SYT17: variants seen among roughly 807,000 people sequenced by gnomAD.
SYT17 encodes synaptotagmin-17.
In SYT17, 22 loss-of-function variants were observed where a neutral mutation model predicts 46.7. The ratio of observed to expected loss-of-function variants is 0.47; its 90% CI spans 0.34 to 0.67. The LOEUF (loss-of-function observed/expected upper bound fraction) is 0.67. SYT17 is among the 30% of genes least tolerant of loss of function. The pLI is 0.01. For missense variants in SYT17, 519 were observed against 612.8 expected, an observed-to-expected ratio of 0.85 and a Z score of 1.62; for synonymous variants, 251 against 248.4, an observed-to-expected ratio of 1.01 and a Z score of -0.10.
At chr16:19,185,894 G>A (rs1007714052) in intron 5 of SYT17, among the ~76,000 whole-genome samples, 8 of 152,174 alleles carry the variant, frequency 5.3e-5, no homozygotes, top group African/African-American at 1.7e-4. Context: ...TGCACTAAGC[G>A]GTAATCACAC....
intron 7 of SYT17, among the ~76,000 whole-genome samples, chr16:19,251,011 A>G (rs1291058770): frequency 6.6e-6 from 1 of 152,094 alleles, no homozygotes; most frequent in East Asian, 1.9e-4. Flanking sequence ...AATTTGTGTC[A>G]TTGTGTGTAG....
intron 5 of SYT17, among the ~76,000 whole-genome samples, chr16:19,204,853 C>T (rs1423838512): frequency 6.6e-6 from 1 of 152,066 alleles, no homozygotes; most frequent in Non-Finnish European, 1.5e-5. Flanking sequence ...CGTCTCACTC[C>T]TACCCTGGAC....
intron 7 of SYT17, among the ~76,000 whole-genome samples, chr16:19,240,941 CT>C (rs970503158): frequency 0.015 from 1,456 of 98,796 alleles, 11 homozygotes; most frequent in East Asian, 0.081. Context: ...AGGCTCAGTT[CT>C]TTTTTTTTTT....
At chr16:19,210,543 G>T (rs1965859236) in intron 5 of SYT17, among the ~76,000 whole-genome samples, 2 of 148,226 alleles carry the variant, frequency 1.3e-5, no homozygotes, top group African/African-American at 2.5e-5. Flanking sequence ...TTCAGAATGT[G>T]ACTGTATTGT....
intron 3 of SYT17, among the ~76,000 whole-genome samples, chr16:19,174,305 G>A (rs1964227378): frequency 6.6e-6 from 1 of 152,232 alleles, no homozygotes; most frequent in African/African-American, 2.4e-5. Context: ...CCGTGACTGA[G>A]AGAGGGACGT....
intron 5 of SYT17, among the ~76,000 whole-genome samples, chr16:19,199,900 T>C (rs148585554): frequency 1.3e-5 from 2 of 152,256 alleles, no homozygotes; most frequent in Non-Finnish European, 2.9e-5. Flanking sequence ...ATTTATTAAA[T>C]CTGGGCTGTA....
chr16:19,240,895 A>G (rs1363875196), intron 7 of SYT17, among the ~76,000 whole-genome samples: 1 of 151,064 alleles, frequency 6.6e-6, no homozygotes, highest in Non-Finnish European at 1.5e-5. Context: ...CACTACCCCA[A>G]GCATGTGCAC....
intron 5 of SYT17, among the ~76,000 whole-genome samples, chr16:19,207,420 T>C (rs1965714188): frequency 1.3e-5 from 2 of 152,078 alleles, no homozygotes; most frequent in African/African-American, 4.8e-5. Context: ...TACAGTTCTG[T>C]AGGCTGCATA....
chr16:19,199,299 G>A (rs11648287), intron 5 of SYT17, among the ~76,000 whole-genome samples: 19,727 of 152,156 alleles, frequency 0.13, 1,417 homozygotes, highest in African/African-American at 0.19. Flanking sequence ...CTACACAGGA[G>A]GAAACTGAGG....
At chr16:19,204,640 G>A (rs534431783) in intron 5 of SYT17, among the ~76,000 whole-genome samples, 36 of 152,170 alleles carry the variant, frequency 2.4e-4, no homozygotes, top group African/African-American at 8.2e-4. Context: ...ATCTGATGCC[G>A]TGGCTTGAAA....
chr16:19,231,963 G>A (rs1292606487), intron 7 of SYT17, among the ~76,000 whole-genome samples: 1 of 152,214 alleles, frequency 6.6e-6, no homozygotes, highest in East Asian at 1.9e-4. Flanking sequence ...GACCCAGTCT[G>A]TGGAGTGAGA....
At chr16:19,182,050 T>G (rs1377547933) in intron 4 of SYT17, among the ~76,000 whole-genome samples, 1 of 151,500 alleles carries the variant, frequency 6.6e-6, no homozygotes, top group Non-Finnish European at 1.5e-5. Context: ...CACTAAAATA[T>G]TTTTATATTG....
intron 7 of SYT17, among the ~76,000 whole-genome samples, chr16:19,256,942 G>A (rs766503806): frequency 9.9e-5 from 15 of 152,050 alleles, no homozygotes; most frequent in Non-Finnish European, 1.9e-4. Context: ...ACTATGCCTC[G>A]TGCTGGCTGG....
At chr16:19,192,936 C>T (rs556521092) in intron 5 of SYT17, among the ~76,000 whole-genome samples, 2 of 152,274 alleles carry the variant, frequency 1.3e-5, no homozygotes, top group Admixed American at 6.5e-5. Flanking sequence ...GTGAGAGGCC[C>T]ATGAATCTGC....
At chr16:19,229,627 A>G (rs1296832845) in intron 7 of SYT17, among the ~76,000 whole-genome samples, 1 of 152,248 alleles carries the variant, frequency 6.6e-6, no homozygotes, top group Non-Finnish European at 1.5e-5. Context: ...AGAAAGGCAG[A>G]AAAAAGAAAT....
intron 5 of SYT17, among the ~76,000 whole-genome samples, chr16:19,219,996 G>T (rs1345496388): frequency 6.6e-6 from 1 of 152,194 alleles, no homozygotes; most frequent in Non-Finnish European, 1.5e-5. Context: ...GAGTAGATGT[G>T]TCAGCAGGGT....
chr16:19,176,955 A>C (rs1596889513), intron 3 of SYT17, among the ~76,000 whole-genome samples: 2 of 152,174 alleles, frequency 1.3e-5, no homozygotes, highest in Admixed American at 1.3e-4. Flanking sequence ...CTTGAATGCC[A>C]GAGTAAGGAA....
At chr16:19,263,640 CA>C (rs1157288423) in intron 7 of SYT17, among the ~76,000 whole-genome samples, 945 of 39,250 alleles carry the variant, frequency 0.024, 6 homozygotes, top group Middle Eastern at 0.058. Flanking sequence ...AATTACAACT[CA>C]AAAAAAAAAA....
chr16:19,234,506 TA>T (rs1966815909), intron 7 of SYT17, among the ~76,000 whole-genome samples: 1 of 152,204 alleles, frequency 6.6e-6, no homozygotes, highest in Non-Finnish European at 1.5e-5. Flanking sequence ...CTATTTTATA[TA>T]AAAAGCTTTA....
Sources: gnomAD v4.1 joint callset for allele counts (sites outside exome capture counted in the v4.1 genomes callset) on GRCh38, gnomAD v4.1.1 for gene constraint, MANE v1.5 for transcripts, NCBI Gene and HGNC (gene_info 2026-07-23, HGNC 2026-07-21) for gene names.